The following ATP6V0D2 variants were observed in gnomAD, a reference collection of about 807,000 sequenced individuals.
The protein encoded by ATP6V0D2 is ATPase H+ transporting V0 subunit d2.
ATP6V0D2 carries 40 observed loss-of-function variants against 40.0 expected under a neutral mutation model. That is an observed-to-expected ratio of 1.00 (90% confidence interval 0.78 to 1.30). The LOEUF is 1.30. Ranked by LOEUF, ATP6V0D2 falls within the 50% of genes most tolerant of loss-of-function variation. ATP6V0D2 has a pLI of 0.00. For missense variants in ATP6V0D2, 470 were observed against 423.1 expected, an observed-to-expected ratio of 1.11 and a Z score of -0.97; for synonymous variants, 179 against 156.3, an observed-to-expected ratio of 1.15 and a Z score of -1.08.
rs2318395 is a variant in ATP6V0D2, at chr8:86,125,624, T to C, written c.302+11744T>C. ...GGCTTTTTAGAAATAAGACGATGGA[T>C]TGAGTAAAGACTATACTTCAGAATT... On this transcript the variant is annotated intron_variant, in intron 2 of 7. Transcript: ENST00000285393. Among the ~76,000 whole-genome samples the C allele has an allele frequency of 2.8e-4, 43 of 152,130 alleles. 1 individual carries two copies. Among genetic ancestry groups the C allele is most frequent in the African/African-American group, 1.0e-3 (43 of 41,426 alleles).
intron 2 of ATP6V0D2, among the ~76,000 whole-genome samples, chr8:86,124,714 T>C (rs2130252685): frequency 6.6e-6 from 1 of 152,270 alleles, no homozygotes; most frequent in African/African-American, 2.4e-5. Flanking sequence ...CAGAACCAGA[T>C]ACATAGTTTG....
At chr8:86,106,235 T>C (rs1291275538) in intron 1 of ATP6V0D2, among the ~76,000 whole-genome samples, 7 of 152,176 alleles carry the variant, frequency 4.6e-5, no homozygotes, top group African/African-American at 1.4e-4. Context: ...TAGGCTCAAG[T>C]GATCCTCCCA....
chr8:86,123,459 T>C (rs1388779139), intron 2 of ATP6V0D2, among the ~76,000 whole-genome samples: 1 of 152,196 alleles, frequency 6.6e-6, no homozygotes, highest in Non-Finnish European at 1.5e-5. Context: ...GTTAGTATTA[T>C]AAAAGATGCA....
At chr8:86,150,846 TAC>T (rs1247450828) in intron 6 of ATP6V0D2, among the ~76,000 whole-genome samples, 2 of 152,188 alleles carry the variant, frequency 1.3e-5, no homozygotes, top group African/African-American at 4.8e-5. Context: ...CTTAAGGTTG[TAC>T]ACTTTGGCTC....
At chr8:86,122,625 G>A (rs961493541) in intron 2 of ATP6V0D2, among the ~76,000 whole-genome samples, 4 of 152,138 alleles carry the variant, frequency 2.6e-5, no homozygotes, top group African/African-American at 9.7e-5. Flanking sequence ...AATGCAGCAA[G>A]CAAGTCCACA....
chr8:86,150,324 G>C (rs548818719), intron 6 of ATP6V0D2, 36 bp downstream of exon 6: 1 of 1,585,670 alleles, frequency 6.3e-7, no homozygotes, highest in African/African-American at 1.3e-5. Flanking sequence ...AGTCCTTTGT[G>C]TTCATTCATT....
chr8:86,152,478 A>G (rs1388752894), intron 7 of ATP6V0D2, among the ~76,000 whole-genome samples: 3 of 152,230 alleles, frequency 2.0e-5, no homozygotes, highest in African/African-American at 7.2e-5. Flanking sequence ...TTCTGGTTCT[A>G]GATCCTTGAA....
intron 1 of ATP6V0D2, among the ~76,000 whole-genome samples, chr8:86,110,281 G>C (rs1218297397): frequency 6.6e-6 from 1 of 152,102 alleles, no homozygotes; most frequent in Non-Finnish European, 1.5e-5. Flanking sequence ...TTTTAGTAGA[G>C]ACGGGGTTTC....
At chr8:86,147,631 G>C (rs1384118169) in intron 5 of ATP6V0D2, among the ~76,000 whole-genome samples, 1 of 152,244 alleles carries the variant, frequency 6.6e-6, no homozygotes, top group Admixed American at 6.5e-5. Context: ...ACCCAAAAGA[G>C]CCTCTAGACT....
At chr8:86,118,312 G>A (rs1050348307) in intron 2 of ATP6V0D2, among the ~76,000 whole-genome samples, 1 of 150,664 alleles carries the variant, frequency 6.6e-6, no homozygotes, top group African/African-American at 2.4e-5. Flanking sequence ...GACCTCAAGT[G>A]ATCCACCCGC....
intron 1 of ATP6V0D2, among the ~76,000 whole-genome samples, chr8:86,100,954 G>A (rs542897710): frequency 2.6e-5 from 4 of 152,008 alleles, no homozygotes; most frequent in East Asian, 3.9e-4. Context: ...CTGGAGAGGT[G>A]GCTCATGCCT....
At chr8:86,124,896 C>G (rs1335379854) in intron 2 of ATP6V0D2, among the ~76,000 whole-genome samples, 1 of 152,092 alleles carries the variant, frequency 6.6e-6, no homozygotes, top group African/African-American at 2.4e-5. Flanking sequence ...TATAAATATA[C>G]CCACACATCC....
At chr8:86,118,004 TTC>T (rs1270108695) in intron 2 of ATP6V0D2, among the ~76,000 whole-genome samples, 18 of 46,132 alleles carry the variant, frequency 3.9e-4, no homozygotes, top group Non-Finnish European at 1.3e-3. Flanking sequence ...TCTCTTTGTT[TTC>T]TTTCTTTCTT....
chr8:86,137,752 C>G (rs62512380), intron 2 of ATP6V0D2, among the ~76,000 whole-genome samples: 8,162 of 152,210 alleles, frequency 0.054, 312 homozygotes, highest in Non-Finnish European at 0.083. Context: ...TGTGAGGGTT[C>G]AGAGGAAGAT....
At chr8:86,122,859 A>T (rs1041152876) in intron 2 of ATP6V0D2, among the ~76,000 whole-genome samples, 1 of 152,224 alleles carries the variant, frequency 6.6e-6, no homozygotes, top group Non-Finnish European at 1.5e-5. Flanking sequence ...ATATTGCTGG[A>T]ACCTAGACAT....
At chr8:86,150,875 C>G (rs6992915) in intron 6 of ATP6V0D2, among the ~76,000 whole-genome samples, 21,130 of 152,118 alleles carry the variant, frequency 0.14, 1,650 homozygotes, top group Admixed American at 0.22. Flanking sequence ...CATTCCCTCT[C>G]ACTTGCACAC....
At position 86,149,777 on chromosome 8, in the gene ATP6V0D2, TCTC is replaced by T. The variant is rs1819118360; in HGVS notation, c.640-332_640-330del. Among the ~76,000 whole-genome samples, 3 of 152,128 alleles carry T rather than the reference TCTC, an allele frequency of 2.0e-5. No homozygotes were observed. The South Asian group carries it at 6.2e-4, about 32-fold the overall frequency. ...TGAATGAACCCTAAGAAATAGGTAT[TCTC>T]CTTTTTATAGAAGAGACACTTGTGA... On this transcript the variant is annotated intron_variant, in intron 5 of 7. Coordinates refer to ENST00000285393, the MANE Select transcript of ATP6V0D2 (RefSeq NM_152565.1).
intron 2 of ATP6V0D2, among the ~76,000 whole-genome samples, chr8:86,126,935 GGA>G (rs1818753460): frequency 1.3e-5 from 2 of 152,144 alleles, no homozygotes; most frequent in Admixed American, 1.3e-4. Context: ...CAAGGGCTTG[GGA>G]AATGCAAAGT....
intron 2 of ATP6V0D2, among the ~76,000 whole-genome samples, chr8:86,129,456 G>A (rs1164480738): frequency 1.3e-5 from 2 of 152,060 alleles, no homozygotes; most frequent in African/African-American, 4.8e-5. Flanking sequence ...TGGGAGGACT[G>A]CCTGAGCCCA....
Sources: gnomAD v4.1 joint callset for allele counts (sites outside exome capture counted in the v4.1 genomes callset) on GRCh38, gnomAD v4.1.1 for gene constraint, MANE v1.5 for transcripts, NCBI Gene and HGNC (gene_info 2026-07-23, HGNC 2026-07-21) for gene names.